The following LHFPL3 variants were observed in gnomAD, a reference collection of about 807,000 sequenced individuals.
LHFPL3 encodes the protein LHFPL tetraspan subfamily member 3 protein.
A neutral mutation model predicts 19.3 loss-of-function variants in LHFPL3; 5 were observed. The observed-to-expected ratio is 0.26, with a 90% CI of 0.14 to 0.54. The LOEUF is 0.54. Ranked by LOEUF, LHFPL3 falls within the 20% of genes least tolerant of loss-of-function variation. The pLI, the probability that LHFPL3 is intolerant of heterozygous loss-of-function variation, is 0.94. For synonymous variants in LHFPL3, 133 were observed against 126.2 expected, an observed-to-expected ratio of 1.05 and a Z score of -0.36; for missense variants, 249 against 307.4, an observed-to-expected ratio of 0.81 and a Z score of 1.42.
intron 1 of LHFPL3, among the ~76,000 whole-genome samples, chr7:104,578,781 T>A (rs893280493): frequency 5.3e-5 from 8 of 152,088 alleles, no homozygotes; most frequent in African/African-American, 1.7e-4. Flanking sequence ...CTGAAAATAG[T>A]TAGAATTGAT....
At chr7:104,446,690 C>T (rs1792336385) in intron 1 of LHFPL3, among the ~76,000 whole-genome samples, 1 of 152,114 alleles carries the variant, frequency 6.6e-6, no homozygotes, top group Admixed American at 6.5e-5. Context: ...ATTCTCTTGC[C>T]TCAGCCTCCT....
intron 1 of LHFPL3, among the ~76,000 whole-genome samples, chr7:104,533,528 A>T (rs771251846): frequency 1.3e-5 from 2 of 152,218 alleles, no homozygotes; most frequent in South Asian, 4.1e-4. Flanking sequence ...ACATGTCCAA[A>T]GCAGAATGCT....
At position 104,372,766 on chromosome 7, in the gene LHFPL3, A is replaced by G. The variant is rs545931555; in HGVS notation, c.445+43542A>G. ...GAGATGTCGTTATAAATATCCTTGT[A>G]TGGTGATTTGTAAATGTTGGGGCAA... On this transcript the variant is annotated intron_variant, in intron 1 of 2. Coordinates refer to ENST00000424859, the MANE Select transcript of LHFPL3 (RefSeq NM_199000.3). Among the ~76,000 whole-genome samples, 5 of 152,274 alleles carry G rather than the reference A, an allele frequency of 3.3e-5. No individual in the cohort carries two copies. The East Asian group carries it at 9.6e-4, about 29-fold the overall frequency.
chr7:104,603,154 CCTTCCTTCCTTT>C (rs770040884), intron 1 of LHFPL3, among the ~76,000 whole-genome samples: 5,522 of 79,336 alleles, frequency 0.07, 191 homozygotes, highest in South Asian at 0.11. Flanking sequence ...TTCCTTCCTT[CCTTCCTTCCTTT>C]CTTTCTTTCT....
At chr7:104,832,617 T>C (rs1790975295) in intron 2 of LHFPL3, among the ~76,000 whole-genome samples, 1 of 76,676 alleles carries the variant, frequency 1.3e-5, no homozygotes, top group Admixed American at 2.3e-4. Context: ...ACATTTCTTT[T>C]TTCCTTCTTT....
At chr7:104,477,875 G>A (rs1264603953) in intron 1 of LHFPL3, among the ~76,000 whole-genome samples, 1 of 152,136 alleles carries the variant, frequency 6.6e-6, no homozygotes, top group Admixed American at 6.5e-5. Context: ...GGATGAGCAG[G>A]AATTAGCCAG....
intron 1 of LHFPL3, among the ~76,000 whole-genome samples, chr7:104,622,616 G>A (rs960447243): frequency 3.3e-5 from 5 of 151,714 alleles, no homozygotes; most frequent in Admixed American, 2.0e-4. Flanking sequence ...TTTCTTCTTT[G>A]CCTCCTCCAC....
chr7:104,620,156 A>G (rs541726053), intron 1 of LHFPL3, among the ~76,000 whole-genome samples: 1 of 152,306 alleles, frequency 6.6e-6, no homozygotes, highest in South Asian at 2.1e-4. Flanking sequence ...TGATAAGGGT[A>G]AGAACACAGC....
intron 1 of LHFPL3, among the ~76,000 whole-genome samples, chr7:104,430,081 A>G (rs1260490581): frequency 6.6e-6 from 1 of 151,894 alleles, no homozygotes; most frequent in East Asian, 1.9e-4. Context: ...AGGAAAGAAT[A>G]AAAAAGATAA....
Position 104,703,354 on chromosome 7 carries a change from A to G in LHFPL3, c.446-33321A>G, listed in dbSNP as rs556414040. 7.2e-5 allele frequency among the ~76,000 whole-genome samples: 11 copies of G among 152,314 alleles called. No homozygotes were observed. In the South Asian group the frequency reaches 2.3e-3, roughly 32 times the overall value. On this transcript the variant is annotated intron_variant, in intron 1 of 2. Coordinates refer to ENST00000424859, the MANE Select transcript of LHFPL3 (RefSeq NM_199000.3). ...AGAGTACTTTATCTAACAAATTTCA[A>G]AAAAAGTTTATTAAAATCTTCCACT...
intron 2 of LHFPL3, among the ~76,000 whole-genome samples, chr7:104,868,546 C>T (rs1791772549): frequency 2.0e-5 from 3 of 152,152 alleles, no homozygotes; most frequent in Non-Finnish European, 4.4e-5. Context: ...TCAAGGAGAA[C>T]TACAAACCAC....
chr7:104,868,337 C>CT (rs1189986030), intron 2 of LHFPL3, among the ~76,000 whole-genome samples: 9 of 152,146 alleles, frequency 5.9e-5, no homozygotes, highest in Non-Finnish European at 1.2e-4. Flanking sequence ...ACCCCATTGT[C>CT]TCAGCCCAAA....
chr7:104,795,453 T>A (rs1790105678), intron 2 of LHFPL3, among the ~76,000 whole-genome samples: 1 of 152,208 alleles, frequency 6.6e-6, no homozygotes. Context: ...AGACAGCGAT[T>A]CTTCTAACAG....
chr7:104,565,651 A>T (rs13237905), intron 1 of LHFPL3, among the ~76,000 whole-genome samples: 1 of 152,040 alleles, frequency 6.6e-6, no homozygotes, highest in African/African-American at 2.4e-5. Context: ...CATGCACTTC[A>T]TCTTACTGGA....
chr7:104,572,291 A>T (rs1790244967), intron 1 of LHFPL3, among the ~76,000 whole-genome samples: 1 of 152,236 alleles, frequency 6.6e-6, no homozygotes, highest in Non-Finnish European at 1.5e-5. Context: ...TCAAAAGAAC[A>T]TACAACTATA....
At chr7:104,359,520 G>A (rs557990845) in intron 1 of LHFPL3, among the ~76,000 whole-genome samples, 2 of 152,318 alleles carry the variant, frequency 1.3e-5, no homozygotes, top group East Asian at 1.9e-4. Context: ...ATTTGATGTG[G>A]TCTTTTCCAC....
intron 1 of LHFPL3, among the ~76,000 whole-genome samples, chr7:104,386,896 C>T (rs1295189120): frequency 1.3e-5 from 2 of 152,112 alleles, no homozygotes; most frequent in Non-Finnish European, 2.9e-5. Context: ...GGGGAAGGAT[C>T]TGATTTTTAA....
intron 1 of LHFPL3, among the ~76,000 whole-genome samples, chr7:104,654,282 A>C (rs1792085375): frequency 6.6e-6 from 1 of 152,234 alleles, no homozygotes; most frequent in Non-Finnish European, 1.5e-5. Context: ...AGAATTTGTT[A>C]CTTTCAGATG....
At chr7:104,647,096 A>C (rs1304873717) in intron 1 of LHFPL3, among the ~76,000 whole-genome samples, 3 of 152,232 alleles carry the variant, frequency 2.0e-5, no homozygotes, top group Admixed American at 2.0e-4. Context: ...AGCCTGAATT[A>C]GTTACTTCTT....
Sources: allele counts gnomAD v4.1 joint callset (sites outside exome capture counted in the v4.1 genomes callset), GRCh38; gene constraint gnomAD v4.1.1; transcripts MANE v1.5; gene names NCBI Gene and HGNC (gene_info 2026-07-23, HGNC 2026-07-21).